MED12L: variants seen among roughly 807,000 people sequenced by gnomAD.
MED12L encodes mediator complex subunit 12L.
Under a neutral mutation model 281.3 loss-of-function variants are expected in MED12L, and 60 were observed. That is an observed-to-expected ratio of 0.21 (90% CI 0.17 to 0.26). The LOEUF (loss-of-function observed/expected upper bound fraction) is 0.26, where lower values mean the gene tolerates loss of function less well. Ranked by LOEUF, MED12L falls within the 10% of genes least tolerant of loss-of-function variation. The probability of loss-of-function intolerance (pLI) is 1.00; values close to 1 mark genes in which losing one functional copy is unlikely to be tolerated. For synonymous variants in MED12L, 974 were observed against 987.2 expected (o/e 0.99, Z 0.25); for missense variants, 2,146 against 2,680.9 (o/e 0.80, Z 4.41).
At chr3:151,382,830 A>G in intron 33 of MED12L, 85 bp downstream of exon 33, 9 of 1,059,154 alleles carry the variant, frequency 8.5e-6, no homozygotes, top group Non-Finnish European at 1.3e-5. Context: ...CCTAAGTGCA[A>G]AGTCTGCATT....
chr3:151,287,451 A>G (rs1361368320), intron 16 of MED12L, among the ~76,000 whole-genome samples: 1 of 152,168 alleles, frequency 6.6e-6, no homozygotes, highest in Non-Finnish European at 1.5e-5. Context: ...GGGAATGAAG[A>G]AAAGAGGGCA....
At chr3:151,251,620 T>A (rs1736878521) in intron 16 of MED12L, among the ~76,000 whole-genome samples, 1 of 152,210 alleles carries the variant, frequency 6.6e-6, no homozygotes, top group African/African-American at 2.4e-5. Context: ...ATTTGACACC[T>A]CTTCTTCCAC....
chr3:151,359,411 C>T (rs962165053), intron 20 of MED12L, among the ~76,000 whole-genome samples: 2 of 152,140 alleles, frequency 1.3e-5, no homozygotes, highest in Non-Finnish European at 2.9e-5. Flanking sequence ...TGTCATTTCA[C>T]AGGGTTTGGG....
intron 39 of MED12L, among the ~76,000 whole-genome samples, chr3:151,399,984 G>T (rs574038323): frequency 1.3e-5 from 2 of 152,042 alleles, no homozygotes; most frequent in Non-Finnish European, 2.9e-5. Context: ...GCACCACCCC[G>T]CCTGGCTGAT....
chr3:151,179,114 C>T (rs1474832021), intron 11 of MED12L, among the ~76,000 whole-genome samples: 1 of 152,042 alleles, frequency 6.6e-6, no homozygotes, highest in African/African-American at 2.4e-5. Flanking sequence ...CTGAGGTGAG[C>T]GGACCACCTG....
chr3:151,320,529 T>C (rs1748874375), intron 16 of MED12L, among the ~76,000 whole-genome samples: 1 of 152,076 alleles, frequency 6.6e-6, no homozygotes, highest in South Asian at 2.1e-4. Flanking sequence ...TAGTCAGTCC[T>C]TTGACAAGAT....
intron 40 of MED12L, among the ~76,000 whole-genome samples, chr3:151,410,503 G>C (rs1296857305): frequency 2.0e-5 from 3 of 152,232 alleles, no homozygotes; most frequent in Non-Finnish European, 2.9e-5. Flanking sequence ...TTGAGGATTT[G>C]AAGAGCAATG....
At chr3:151,345,517 CTTTTTTTT>C (rs201731496) in intron 16 of MED12L, among the ~76,000 whole-genome samples, 1 of 131,654 alleles carries the variant, frequency 7.6e-6, no homozygotes, top group African/African-American at 2.8e-5. Flanking sequence ...TTTTCTTTTT[CTTTTTTTT>C]TTTTTTTTTG....
intron 16 of MED12L, 94 bp downstream of exon 16, chr3:151,193,760 AAT>A: frequency 1.8e-6 from 2 of 1,134,834 alleles, no homozygotes; most frequent in Non-Finnish European, 2.5e-6. Context: ...ATTCTTGACT[AAT>A]AATGATAGCA....
At chr3:151,390,244 C>T (rs1443203062) in intron 38 of MED12L, 109 bp downstream of exon 38, 2 of 1,008,730 alleles carry the variant, frequency 2.0e-6, no homozygotes, top group Non-Finnish European at 3.0e-6. Flanking sequence ...CCACTGAGTG[C>T]TCAGTTGACA....
intron 5 of MED12L, among the ~76,000 whole-genome samples, chr3:151,152,917 A>G (rs1426084436): frequency 6.6e-6 from 1 of 152,216 alleles, no homozygotes; most frequent in Admixed American, 6.5e-5. Flanking sequence ...ATTTGCCTCC[A>G]TGGCGGGTGT....
intron 13 of MED12L, among the ~76,000 whole-genome samples, chr3:151,190,302 GC>G (rs1202995973): frequency 2.0e-5 from 3 of 151,946 alleles, no homozygotes; most frequent in Non-Finnish European, 4.4e-5. Flanking sequence ...CTCCCGAGTA[GC>G]TGGGCTTACA....
At chr3:151,306,066 A>G (rs1488791843) in intron 16 of MED12L, among the ~76,000 whole-genome samples, 1 of 152,170 alleles carries the variant, frequency 6.6e-6, no homozygotes, top group Non-Finnish European at 1.5e-5. Flanking sequence ...CGGGTCCTAC[A>G]GTCAGTTGAT....
chr3:151,435,062 C>CTTTTTTTTTTTTTTTTTTT lies in MED12L; in HGVS notation c.*2260_*2278dup, dbSNP rs66791814. 1.7e-5 allele frequency: 2 copies of CTTTTTTTTTTTTTTTTTTT among 119,082 alleles called. No homozygotes were observed. Among genetic ancestry groups the CTTTTTTTTTTTTTTTTTTT allele is most frequent in the African/African-American group, 3.1e-5 (1 of 32,438 alleles). 7.4% of individuals were successfully genotyped at this position (119,082 alleles called of 1,614,324 possible). A position where few individuals can be genotyped will look rare whatever the true frequency, so the allele number is the denominator to read the frequency against. ...GTTAATTCTGTATCTTGAGAGGTTTCTTTTTTTTTTTTTTTTTTTTCTTTT... is the reference window on the plus strand; with the variant it reads ...GTTAATTCTGTATCTTGAGAGGTTTCTTTTTTTTTTTTTTTTTTTTTTTTTTTTTTTTTTTTTTTCTTTT... On this transcript the variant is annotated 3_prime_UTR_variant, in exon 45 of 45. Transcript: ENST00000687756.
chr3:151,328,549 G>A, intron 16 of MED12L: 1 of 1,613,752 alleles, frequency 6.2e-7, no homozygotes, highest in Non-Finnish European at 8.5e-7. Flanking sequence ...AGAACAAAAA[G>A]AACCAGATGA....
chr3:151,386,578 G>GTT (rs201719010), intron 36 of MED12L, among the ~76,000 whole-genome samples: 36,212 of 128,128 alleles, frequency 0.28, 6,076 homozygotes, highest in Non-Finnish European at 0.38. Context: ...TTTTGTCTTT[G>GTT]TTTTTTTTTT....
At chr3:151,299,934 G>C in intron 16 of MED12L, 1 of 718,632 alleles carries the variant, frequency 1.4e-6, no homozygotes, top group Non-Finnish European at 2.6e-6. Context: ...TATACATAAG[G>C]AAACACAAAG....
intron 36 of MED12L, among the ~76,000 whole-genome samples, chr3:151,386,079 T>G (rs552957334): frequency 1.3e-5 from 2 of 151,938 alleles, no homozygotes; most frequent in Non-Finnish European, 2.9e-5. Flanking sequence ...GGATTAAGAG[T>G]TAGCTGGGAG....
chr3:151,178,976 C>T (rs1055262825), intron 11 of MED12L, among the ~76,000 whole-genome samples: 7 of 152,126 alleles, frequency 4.6e-5, no homozygotes, highest in African/African-American at 1.4e-4. Flanking sequence ...TTTATTGTGT[C>T]TGCTATCAGT....
Sources: gnomAD v4.1 joint callset for allele counts (sites outside exome capture counted in the v4.1 genomes callset) on GRCh38, gnomAD v4.1.1 for gene constraint, MANE v1.5 for transcripts, NCBI Gene and HGNC (gene_info 2026-07-23, HGNC 2026-07-21) for gene names.